Variants in MTUS1 observed in about 807,000 individuals in gnomAD.
The protein encoded by MTUS1 is microtubule associated scaffold protein 1.
MTUS1 carries 109 observed loss-of-function variants against 120.8 expected under a neutral mutation model. That is an observed-to-expected ratio of 0.90 (90% CI 0.77 to 1.06). MTUS1 has a LOEUF of 1.06. Among genes scored for constraint, MTUS1 ranks in the 50% least tolerant of loss-of-function variants. The pLI is 0.00. For synonymous variants in MTUS1, 737 were observed against 550.5 expected, an observed-to-expected ratio of 1.34 and a Z score of -4.74; for missense variants, 2,210 against 1,486.3, an observed-to-expected ratio of 1.49 and a Z score of -8.01.
intron 5 of MTUS1, 150 bp downstream of exon 5, chr8:17,715,617 C>T (rs1453013309): frequency 2.4e-6 from 2 of 824,614 alleles, no homozygotes; most frequent in African/African-American, 3.5e-5. Context: ...ACAATTTCCT[C>T]AGTGCAAAAA....
rs1333516757 is a variant in MTUS1 at position 17,646,034 on chromosome 8, G to C, written c.3705C>G (p.His1235Gln). The C allele has an allele frequency of 1.2e-6, 2 of 1,613,618 alleles. No individual in the cohort carries two copies. The highest frequency in any genetic ancestry group is 1.3e-5 in the African/African-American group (1 of 74,882). ...MENEELLWKL[H>Q]NGDLCSPKRS... ...TCTTGGGGCTACACAGGTCCCCATT[G>C]TGCAGTTTCCACAGAAGCTCCTCGT... is the stretch of plus-strand genomic sequence containing the variant. Residue 1235 changes from histidine (H) to glutamine (Q), a missense_variant, in exon 15 of 15, where the codon CAC becomes CAG. His to Gln is a conservative substitution (Grantham distance 24). Coordinates refer to ENST00000693296, the MANE Select transcript of MTUS1 (RefSeq NM_001363059.2).
At chr8:17,703,796 C>T (rs773071770) in intron 6 of MTUS1, among the ~76,000 whole-genome samples, 58 of 152,102 alleles carry the variant, frequency 3.8e-4, no homozygotes, top group African/African-American at 1.3e-3. Context: ...CAAGACAATA[C>T]GTGCACTGCT....
intron 1 of MTUS1, among the ~76,000 whole-genome samples, chr8:17,756,485 C>A (rs2048617520): frequency 6.6e-6 from 1 of 152,076 alleles, no homozygotes; most frequent in East Asian, 1.9e-4. Context: ...ATCAAGAACT[C>A]ACGTTTCTCC....
In MTUS1 at chr8:17,645,222, G is replaced by A. The variant is rs1419596164; in HGVS notation, c.*704C>T. On this transcript the variant is annotated 3_prime_UTR_variant, in exon 15 of 15. Transcript: ENST00000693296. ...TGGCTGAACACTGAAAAACTGCCAA[G>A]AAGTTACCCCCAAAAGATACAGAGA... 3 of 152,546 alleles carry A rather than the reference G, an allele frequency of 2.0e-5. No individual in the cohort carries two copies. Among genetic ancestry groups the A allele is most frequent in the African/African-American group, 7.2e-5 (3 of 41,424 alleles). The allele number at this position is 152,546 out of a possible 1,614,324, so 9.4% of individuals were successfully genotyped here.
In MTUS1 at chr8:17,684,234, A is replaced by C; in HGVS notation, c.2838+94T>G. The C allele has an allele frequency of 3.5e-6, 3 of 852,202 alleles. No individual in the cohort carries two copies. In the South Asian group the frequency reaches 4.3e-5, roughly 12 times the overall value. The allele number at this position is 852,202 out of a possible 1,614,324, so 52.8% of individuals were successfully genotyped here. A position where few individuals can be genotyped will look rare whatever the true frequency, so the allele number is the denominator to read the frequency against. ...TGACACCTGATCTTTCCCATCATTT[A>C]CCTAGATATTCCCAAGGCCAGCGTG... is the stretch of plus-strand genomic sequence containing the variant. On this transcript the variant is annotated intron_variant, in intron 7 of 14. Transcript: ENST00000693296.
intron 6 of MTUS1, among the ~76,000 whole-genome samples, chr8:17,698,236 T>G (rs1301787829): frequency 6.6e-6 from 1 of 152,200 alleles, no homozygotes; most frequent in African/African-American, 2.4e-5. Flanking sequence ...CATGAGTAAT[T>G]GCATTTATAG....
At chr8:17,720,611 C>G (rs2045761599) in intron 4 of MTUS1, among the ~76,000 whole-genome samples, 1 of 152,164 alleles carries the variant, frequency 6.6e-6, no homozygotes, top group Non-Finnish European at 1.5e-5. Context: ...GAAGTAATGT[C>G]TTTGGACCTT....
intron 3 of MTUS1, among the ~76,000 whole-genome samples, chr8:17,743,292 C>T (rs2047476162): frequency 6.6e-6 from 1 of 152,174 alleles, no homozygotes; most frequent in Non-Finnish European, 1.5e-5. Context: ...TTGTTAAGCA[C>T]TTAACCATTT....
intron 8 of MTUS1, among the ~76,000 whole-genome samples, chr8:17,671,507 G>C (rs1812011682): frequency 6.6e-6 from 1 of 152,198 alleles, no homozygotes; most frequent in South Asian, 2.1e-4. Flanking sequence ...CAGAAGCAAA[G>C]AACCAGTGCT....
intron 4 of MTUS1, chr8:17,722,384 G>C (rs984990859): frequency 1.0e-6 from 1 of 982,162 alleles, no homozygotes; most frequent in Non-Finnish European, 1.2e-6. Context: ...TGCTTTGCAA[G>C]ACAAAGAGAG....
chr8:17,765,678 C>CCACACACACACACACACA (rs60406848), intron 1 of MTUS1, among the ~76,000 whole-genome samples: 2 of 130,084 alleles, frequency 1.5e-5, no homozygotes, highest in Non-Finnish European at 1.6e-5. Flanking sequence ...AATACAGACA[C>CCACACACACACACACACA]CACACACACA....
chr8:17,682,916 C>CA (rs199567586), intron 7 of MTUS1, among the ~76,000 whole-genome samples: 5 of 122,300 alleles, frequency 4.1e-5, no homozygotes, highest in East Asian at 2.5e-4. Context: ...AACTTCCCCT[C>CA]AAAAAAAACA....
At chr8:17,711,540 G>C (rs561831695) in intron 6 of MTUS1, among the ~76,000 whole-genome samples, 1 of 152,090 alleles carries the variant, frequency 6.6e-6, no homozygotes, top group Non-Finnish European at 1.5e-5. Flanking sequence ...GGCTTTGGCC[G>C]AAGTGAAAGT....
intron 1 of MTUS1, among the ~76,000 whole-genome samples, chr8:17,775,312 G>A: frequency 6.6e-6 from 1 of 151,968 alleles, no homozygotes; most frequent in East Asian, 1.9e-4. Context: ...AAGAGTCAGA[G>A]CTAATGGCTT....
chr8:17,773,260 C>A (rs918862364), intron 1 of MTUS1, among the ~76,000 whole-genome samples: 2 of 152,152 alleles, frequency 1.3e-5, no homozygotes, highest in African/African-American at 2.4e-5. Flanking sequence ...TATTTTGCAA[C>A]GTCTCAGATC....
At chr8:17,788,058 T>C (rs1586414270) in intron 1 of MTUS1, among the ~76,000 whole-genome samples, 1 of 152,064 alleles carries the variant, frequency 6.6e-6, no homozygotes, top group Non-Finnish European at 1.5e-5. Flanking sequence ...GAGGCAGAGG[T>C]TGCAGTGAGC....
intron 3 of MTUS1, among the ~76,000 whole-genome samples, chr8:17,731,879 T>A (rs963875292): frequency 1.3e-5 from 2 of 152,198 alleles, no homozygotes; most frequent in African/African-American, 4.8e-5. Flanking sequence ...CTAATCCCCA[T>A]CACCATTGCT....
At chr8:17,738,030 G>T (rs916924280) in intron 3 of MTUS1, among the ~76,000 whole-genome samples, 2 of 152,178 alleles carry the variant, frequency 1.3e-5, no homozygotes, top group African/African-American at 4.8e-5. Context: ...AGAAAGAAGA[G>T]AAACCTGCGA....
chr8:17,797,070 C>G lies in MTUS1; in HGVS notation c.-155+3991G>C, dbSNP rs142036511. On this transcript the variant is annotated intron_variant, in intron 1 of 14. Transcript: ENST00000693296. ...GGGGTTGCAGTGAGCTGAGATCGCA[C>G]GCACCACTGCACTCCAACCTGGGCC... 1.2e-3 allele frequency among the ~76,000 whole-genome samples: 178 copies of G among 152,032 alleles called. 1 individual carries two copies. The highest frequency in any genetic ancestry group is 3.9e-3 in the African/African-American group (163 of 41,456).
Sources: gnomAD v4.1 joint callset for allele counts (sites outside exome capture counted in the v4.1 genomes callset) on GRCh38, gnomAD v4.1.1 for gene constraint, MANE v1.5 for transcripts, NCBI Gene and HGNC (gene_info 2026-07-23, HGNC 2026-07-21) for gene names.